ITCH: variants seen among roughly 807,000 people sequenced by gnomAD.
ITCH encodes E3 ubiquitin-protein ligase Itchy homolog.
ITCH carries 28 observed loss-of-function variants against 126.8 expected under a neutral mutation model. The ratio of observed to expected loss-of-function variants is 0.22; its 90% CI spans 0.16 to 0.30. The LOEUF (loss-of-function observed/expected upper bound fraction) is 0.30. ITCH is among the 10% of genes least tolerant of loss of function. The pLI, the probability that ITCH is intolerant of heterozygous loss-of-function variation, is 1.00. For missense variants in ITCH, 631 were observed against 1,032.4 expected (o/e 0.61, Z 5.33); for synonymous variants, 342 against 340.0 (o/e 1.01, Z -0.06).
At chr20:34,399,096 A>C (rs757574621) in intron 3 of ITCH, among the ~76,000 whole-genome samples, 1 of 152,206 alleles carries the variant, frequency 6.6e-6, no homozygotes, top group African/African-American at 2.4e-5. Flanking sequence ...ATGCAAGTGT[A>C]AAAAATGAAT....
chr20:34,381,667 C>G (rs904424530), intron 2 of ITCH, among the ~76,000 whole-genome samples: 1 of 151,950 alleles, frequency 6.6e-6, no homozygotes, highest in African/African-American at 2.4e-5. Flanking sequence ...GCCTCGTGAT[C>G]CGCCCTCCTT....
At chr20:34,505,032 TTTTG>T (rs567126398) in intron 24 of ITCH, among the ~76,000 whole-genome samples, 103 of 152,144 alleles carry the variant, frequency 6.8e-4, no homozygotes, top group Admixed American at 1.2e-3. Context: ...AGTGGGGTTT[TTTTG>T]TTTGTTTGTT....
At chr20:34,390,119 C>A (rs76322339) in intron 2 of ITCH, among the ~76,000 whole-genome samples, 36 of 147,176 alleles carry the variant, frequency 2.4e-4, no homozygotes, top group African/African-American at 2.2e-4. Flanking sequence ...GACTCTGTCT[C>A]AAAAAAAAAA....
intron 9 of ITCH, 92 bp downstream of exon 9, chr20:34,440,436 C>A: frequency 3.1e-6 from 3 of 970,434 alleles, no homozygotes; most frequent in South Asian, 1.4e-5. Flanking sequence ...CAACAGTAAA[C>A]TCCATTGTTT....
intron 3 of ITCH, among the ~76,000 whole-genome samples, chr20:34,406,692 G>A (rs1448928717): frequency 1.3e-5 from 2 of 151,838 alleles, no homozygotes; most frequent in African/African-American, 2.4e-5. Context: ...TCGCCACCAC[G>A]CCCGGCTAAT....
At chr20:34,436,821 GA>G (rs1245959355) in intron 7 of ITCH, among the ~76,000 whole-genome samples, 1 of 152,190 alleles carries the variant, frequency 6.6e-6, no homozygotes, top group Non-Finnish European at 1.5e-5. Flanking sequence ...TACACAGTTT[GA>G]AAATGTCTTT....
At chr20:34,397,296 C>T (rs1601802149) in intron 3 of ITCH, among the ~76,000 whole-genome samples, 1 of 152,176 alleles carries the variant, frequency 6.6e-6, no homozygotes, top group African/African-American at 2.4e-5. Context: ...ACAGGGATTA[C>T]AGGCGTGAGC....
chr20:34,500,600 T>C (rs1990185957), intron 23 of ITCH, among the ~76,000 whole-genome samples: 1 of 152,160 alleles, frequency 6.6e-6, no homozygotes, highest in Non-Finnish European at 1.5e-5. Context: ...GATAGTTGGG[T>C]CATTTTTCTT....
intron 3 of ITCH, chr20:34,402,030 G>A (rs1031480836): frequency 2.3e-5 from 14 of 611,294 alleles, no homozygotes; most frequent in Admixed American, 5.5e-5. Flanking sequence ...GGTAGGTGCA[G>A]TGCGTTTGTC....
At chr20:34,447,173 AT>A (rs11341610) in intron 11 of ITCH, among the ~76,000 whole-genome samples, 68,521 of 144,720 alleles carry the variant, frequency 0.47, 15,974 homozygotes, top group Middle Eastern at 0.52. Context: ...AGTCTTTGGA[AT>A]TTTTTTTTTT....
rs770450364 is a variant in ITCH, at chr20:34,464,236, C to T, written c.1424+2015C>T. Among the ~76,000 whole-genome samples the T allele has an allele frequency of 1.8e-4, 27 of 151,618 alleles. 1 individual carries two copies. Among genetic ancestry groups the T allele is most frequent in the Non-Finnish European group, 1.5e-5 (1 of 67,932 alleles). On this transcript the variant is annotated intron_variant, in intron 14 of 24. Coordinates refer to ENST00000374864, the MANE Select transcript of ITCH (RefSeq NM_031483.7). ...ATCTCCTGACCTCGTGATCCACCCA[C>T]CTCAGTCTCCCAAAGTGCTGGGATT...
At chr20:34,399,252 C>T (rs1189534612) in intron 3 of ITCH, among the ~76,000 whole-genome samples, 1 of 151,950 alleles carries the variant, frequency 6.6e-6, no homozygotes, top group African/African-American at 2.4e-5. Context: ...ATTAGCCGGG[C>T]ATGGTGGCAC....
chr20:34,446,814 A>G (rs1984523488), intron 11 of ITCH, among the ~76,000 whole-genome samples: 1 of 152,228 alleles, frequency 6.6e-6, no homozygotes, highest in African/African-American at 2.4e-5. Context: ...TCTGGGTTCG[A>G]ATCCTGGTTC....
At chr20:34,418,858 T>C (rs923759971) in intron 6 of ITCH, among the ~76,000 whole-genome samples, 2 of 146,300 alleles carry the variant, frequency 1.4e-5, no homozygotes, top group African/African-American at 5.1e-5. Flanking sequence ...ATCTCCTGGG[T>C]TCAAGCAATT....
rs1204098935 is a variant in ITCH at position 34,457,334 on chromosome 20, A to G, written c.1211-56A>G. 2.1e-5 allele frequency: 24 copies of G among 1,121,842 alleles called. No individual in the cohort carries two copies. In the South Asian group the frequency reaches 2.3e-4, roughly 11 times the overall value. The allele number at this position is 1,121,842 out of a possible 1,614,324, so 69.5% of individuals were successfully genotyped here. On this transcript the variant is annotated intron_variant, in intron 12 of 24. Coordinates refer to ENST00000374864, the MANE Select transcript of ITCH (RefSeq NM_031483.7). ...AAATAATTTTATTTTACCTTGAGCA[A>G]GAAGACTATGCCAATGCTAATGCTT... is the stretch of plus-strand genomic sequence containing the variant.
At position 34,364,705 on chromosome 20, in the gene ITCH, C is replaced by G. The variant is rs534199899; in HGVS notation, c.-99+1356C>G. ...ACCATCCTGACCAACATGGTGAAAC[C>G]CCGTCTCTACTAAAAATACAAAAAA... On this transcript the variant is annotated intron_variant, in intron 1 of 24. Transcript: ENST00000374864. Among the ~76,000 whole-genome samples the G allele has an allele frequency of 1.9e-3, 163 of 87,002 alleles. 2 individuals are homozygous for G. The highest frequency in any genetic ancestry group is 3.0e-3 in the Non-Finnish European group (144 of 48,136). The allele number at this position is 87,002 out of a possible 152,430, so 57.1% of individuals were successfully genotyped here.
rs1353906753 is a variant in ITCH at position 34,400,674 on chromosome 20, T to G, written c.70+6793T>G. Among the ~76,000 whole-genome samples, 6 of 126,100 alleles carry G rather than the reference T, an allele frequency of 4.8e-5. No homozygotes were observed. In the South Asian group the frequency reaches 1.5e-3, roughly 32 times the overall value. The allele number at this position is 126,100 out of a possible 152,430, so 82.7% of individuals were successfully genotyped here. A position where few individuals can be genotyped will look rare whatever the true frequency, so the allele number is the denominator to read the frequency against. ...TTTTTTTTTTTTTTTTTGAGACAGT[T>G]TCGTTCTGTCGCCCAGGCTGGAGTG... On this transcript the variant is annotated intron_variant, in intron 3 of 24. Transcript: ENST00000374864.
intron 3 of ITCH, 27 bp downstream of exon 3, chr20:34,393,908 T>A: frequency 6.3e-7 from 1 of 1,591,386 alleles, no homozygotes; most frequent in Non-Finnish European, 8.6e-7. Context: ...TCGGCTGCTT[T>A]ACTTTATTTT....
At position 34,413,385 on chromosome 20, in the gene ITCH, C is replaced by T. The variant is rs557050863; in HGVS notation, c.338-357C>T. Reference sequence around the variant, plus strand: ...TTAGGACTTATTAGATATAATTTATCCTTAAATTATGTTTTTACTCAATTT... The same window carrying T: ...TTAGGACTTATTAGATATAATTTATTCTTAAATTATGTTTTTACTCAATTT... On this transcript the variant is annotated intron_variant, in intron 5 of 24. Coordinates refer to ENST00000374864, the MANE Select transcript of ITCH (RefSeq NM_031483.7). 1.2e-4 allele frequency among the ~76,000 whole-genome samples: 19 copies of T among 152,052 alleles called. No homozygotes were observed. In the South Asian group the frequency reaches 3.7e-3, roughly 30 times the overall value.
Sources: gnomAD v4.1 joint callset for allele counts (sites outside exome capture counted in the v4.1 genomes callset) on GRCh38, gnomAD v4.1.1 for gene constraint, MANE v1.5 for transcripts, NCBI Gene and HGNC (gene_info 2026-07-23, HGNC 2026-07-21) for gene names.